MTHFD1L: variants seen among roughly 807,000 people sequenced by gnomAD.
MTHFD1L encodes the protein monofunctional C1-tetrahydrofolate synthase, mitochondrial.
MTHFD1L carries 81 observed loss-of-function variants against 119.5 expected under a neutral mutation model. The observed-to-expected ratio is 0.68, with a 90% CI of 0.57 to 0.82. MTHFD1L has a LOEUF of 0.82. Ranked by LOEUF, MTHFD1L falls within the 40% of genes least tolerant of loss-of-function variation. The pLI is 0.00. For missense variants in MTHFD1L, 1,125 were observed against 1,253.4 expected (o/e 0.90, Z 1.55); for synonymous variants, 430 against 475.2 (o/e 0.90, Z 1.24).
At position 150,882,880 on chromosome 6, in the gene MTHFD1L, T is replaced by C. The variant is rs1781595487; in HGVS notation, c.536T>C (p.Val179Ala). The change falls in exon 5 of 28, where the codon GTG becomes GCG. Residue 179 changes from valine (V) to alanine (A), a missense_variant. Coordinates refer to ENST00000367321, the MANE Select transcript of MTHFD1L (RefSeq NM_015440.5). Reference protein sequence around the residue: ...VLNALKPEKDVDGVTDINLGK... With the variant: ...VLNALKPEKDADGVTDINLGK... ...AATGCCTTGAAACCAGAAAAAGATG[T>C]GGATGGGTAAGAAAATAAAATCAAA... 11 of 1,566,808 alleles carry C rather than the reference T, an allele frequency of 7.0e-6. 1 individual carries two copies. Among genetic ancestry groups the C allele is most frequent in the Non-Finnish European group, 8.6e-6 (10 of 1,166,292 alleles).
chr6:150,908,931 A>G (rs1356224010), intron 8 of MTHFD1L, among the ~76,000 whole-genome samples: 1 of 152,132 alleles, frequency 6.6e-6, no homozygotes. Flanking sequence ...TTAAGATGAG[A>G]AGAACTTTTA....
At chr6:151,025,210 T>C (rs1399135609) in intron 24 of MTHFD1L, among the ~76,000 whole-genome samples, 1 of 152,258 alleles carries the variant, frequency 6.6e-6, no homozygotes, top group Non-Finnish European at 1.5e-5. Context: ...AGTGAACCTG[T>C]TGCTCAGGGC....
chr6:151,067,150 C>A (rs1040502463), intron 26 of MTHFD1L, among the ~76,000 whole-genome samples: 3 of 151,788 alleles, frequency 2.0e-5, no homozygotes, highest in Non-Finnish European at 4.4e-5. Flanking sequence ...TGCACCACCA[C>A]GCCTGGCTAA....
At chr6:151,051,947 G>A (rs752596379) in intron 26 of MTHFD1L, among the ~76,000 whole-genome samples, 2 of 152,208 alleles carry the variant, frequency 1.3e-5, no homozygotes, top group South Asian at 2.1e-4. Context: ...GAGCCTGGGG[G>A]CTCATTGATA....
At chr6:150,908,643 A>AG (rs919890460) in intron 8 of MTHFD1L, among the ~76,000 whole-genome samples, 4 of 151,850 alleles carry the variant, frequency 2.6e-5, no homozygotes, top group African/African-American at 9.7e-5. Context: ...AAAAAAGAAA[A>AG]GAAAAAAAAA....
At chr6:150,957,289 G>A (rs1795787405) in intron 17 of MTHFD1L, among the ~76,000 whole-genome samples, 1 of 152,192 alleles carries the variant, frequency 6.6e-6, no homozygotes, top group African/African-American at 2.4e-5. Flanking sequence ...ATAAAAAGAT[G>A]TTCATGAATA....
chr6:150,887,898 G>A lies in MTHFD1L; in HGVS notation c.697G>A (p.Glu233Lys). 2 of 1,610,412 alleles carry A rather than the reference G, an allele frequency of 1.2e-6. No homozygotes were observed. The highest frequency in any genetic ancestry group is 2.2e-5 in the East Asian group (1 of 44,782). Residue 233 changes from glutamate (E) to lysine (K), a missense_variant, in exon 7 of 28, where the codon GAA (glutamate) becomes AAA (lysine). Around this residue, in one of 3 missense-constraint regions of MTHFD1L, gnomAD observed 1,058 missense variants for 1,151.2 expected, o/e 0.92. Transcript: ENST00000367321. Reference protein sequence around the residue: ...ILVVGAHGSLEAALQCLFQRK... With the variant: ...ILVVGAHGSLKAALQCLFQRK... The stretch of plus-strand genomic sequence containing the variant: ...GGTAGTGGGGGCCCATGGGTCTTTG[G>A]AAGCTGCTCTACAATGCCTGTTCCA...
intron 26 of MTHFD1L, among the ~76,000 whole-genome samples, chr6:151,081,498 CAAAAAAAAAAAA>C (rs56795003): frequency 1.0e-5 from 1 of 98,162 alleles, no homozygotes; most frequent in Non-Finnish European, 2.0e-5. Flanking sequence ...ACTAAAAATG[CAAAAAAAAAAAA>C]AAAAAAAAAA....
At chr6:151,091,656 G>A (rs1794461014) in intron 26 of MTHFD1L, among the ~76,000 whole-genome samples, 1 of 152,142 alleles carries the variant, frequency 6.6e-6, no homozygotes, top group Non-Finnish European at 1.5e-5. Context: ...CCTCATTAGG[G>A]TGCTGGGAAG....
intron 27 of MTHFD1L, among the ~76,000 whole-genome samples, chr6:151,099,356 T>C (rs1795158919): frequency 6.6e-6 from 1 of 151,922 alleles, no homozygotes; most frequent in Non-Finnish European, 1.5e-5. Context: ...GCCCACCCTC[T>C]ACCCTAGCAC....
chr6:151,019,351 A>T (rs66554216), intron 24 of MTHFD1L, among the ~76,000 whole-genome samples: 2 of 152,072 alleles, frequency 1.3e-5, no homozygotes, highest in Admixed American at 1.3e-4. Context: ...CCAGGTGAAA[A>T]AGAGGTCAGT....
At chr6:150,949,222 G>C in intron 16 of MTHFD1L, 89 bp downstream of exon 16, 1 of 1,024,950 alleles carries the variant, frequency 9.8e-7, no homozygotes, top group South Asian at 1.4e-5. Flanking sequence ...CTTACAGTTT[G>C]ATCCTGTCCA....
intron 4 of MTHFD1L, among the ~76,000 whole-genome samples, chr6:150,882,533 A>G (rs1284018755): frequency 1.3e-5 from 2 of 152,206 alleles, no homozygotes; most frequent in Non-Finnish European, 2.9e-5. Flanking sequence ...AGAAGTCACT[A>G]AAAAATTCAG....
intron 21 of MTHFD1L, among the ~76,000 whole-genome samples, chr6:151,012,019 CAAAAAAAAAAAAA>C (rs1043831602): frequency 0.027 from 1,614 of 58,822 alleles, 76 homozygotes; most frequent in African/African-American, 0.087. Flanking sequence ...ACAACAACAA[CAAAAAAAAAAAAA>C]AAAAAAAAAA....
chr6:151,011,916 G>A (rs540489530), intron 21 of MTHFD1L, among the ~76,000 whole-genome samples: 15 of 148,512 alleles, frequency 1.0e-4, no homozygotes, highest in Admixed American at 2.8e-4. Flanking sequence ...CAAGAGAATC[G>A]CTTGAACTTG....
At chr6:150,976,352 A>G (rs1393018190) in intron 20 of MTHFD1L, among the ~76,000 whole-genome samples, 1 of 152,230 alleles carries the variant, frequency 6.6e-6, no homozygotes, top group African/African-American at 2.4e-5. Context: ...GGGCTAAGGC[A>G]TACAAAATCT....
At chr6:150,871,970 C>T (rs771717311) in intron 1 of MTHFD1L, among the ~76,000 whole-genome samples, 29 of 151,958 alleles carry the variant, frequency 1.9e-4, no homozygotes, top group Non-Finnish European at 3.1e-4. Flanking sequence ...CTCTGCCTCC[C>T]GGGTTCAATA....
At chr6:151,035,126 A>T (rs1785971128) in intron 25 of MTHFD1L, among the ~76,000 whole-genome samples, 1 of 152,222 alleles carries the variant, frequency 6.6e-6, no homozygotes, top group Admixed American at 6.5e-5. Flanking sequence ...TGAAGGCTCC[A>T]TCATCTTCTA....
intron 26 of MTHFD1L, among the ~76,000 whole-genome samples, chr6:151,084,554 C>T (rs1426329617): frequency 6.6e-6 from 1 of 152,132 alleles, no homozygotes; most frequent in Non-Finnish European, 1.5e-5. Context: ...GTGGGGATTG[C>T]GAGTGTGGGC....
Sources: allele counts gnomAD v4.1 joint callset (sites outside exome capture counted in the v4.1 genomes callset), GRCh38; gene constraint gnomAD v4.1.1; regional missense constraint gnomAD v4.1.1; transcripts MANE v1.5; gene names NCBI Gene and HGNC (gene_info 2026-07-23, HGNC 2026-07-21).